The following PLCG2 variants were observed in gnomAD, a reference collection of about 807,000 sequenced individuals.
PLCG2 encodes the protein phospholipase C gamma 2, also known as 1-phosphatidylinositol 4,5-bisphosphate phosphodiesterase gamma-2.
In PLCG2, 69 loss-of-function variants were observed where a neutral mutation model predicts 175.6. The ratio of observed to expected loss-of-function variants is 0.39; its 90% CI spans 0.32 to 0.48. The LOEUF (loss-of-function observed/expected upper bound fraction) is 0.48. Among genes scored for constraint, PLCG2 ranks in the 20% least tolerant of loss-of-function variants. PLCG2 has a pLI of 0.91. For missense variants in PLCG2, 1,798 were observed against 1,650.9 expected, an observed-to-expected ratio of 1.09 and a Z score of -1.54; for synonymous variants, 827 against 624.0, an observed-to-expected ratio of 1.33 and a Z score of -4.85.
intron 25 of PLCG2, among the ~76,000 whole-genome samples, chr16:81,933,576 GTTT>G (rs575035323): frequency 6.9e-6 from 1 of 143,890 alleles, no homozygotes. Context: ...GCTGTTTTTT[GTTT>G]TTTTTTTTTG....
intron 31 of PLCG2, among the ~76,000 whole-genome samples, chr16:81,950,413 A>G (rs1911319950): frequency 6.6e-6 from 1 of 152,354 alleles, no homozygotes; most frequent in Non-Finnish European, 1.5e-5. Flanking sequence ...ACCTAAGTAT[A>G]TAAGACAAAA....
chr16:81,831,969 G>A lies in PLCG2; in HGVS notation c.194-22475G>A, dbSNP rs916681106. Among the ~76,000 whole-genome samples, 5 of 152,294 alleles carry A rather than the reference G, an allele frequency of 3.3e-5. 1 individual carries two copies. The Middle Eastern group carries it at 0.01, about 311-fold the overall frequency. On this transcript the variant is annotated intron_variant, in intron 2 of 32. Transcript: ENST00000564138. ...CAGGGGTGACTCCTCTTGCCCTAGC[G>A]GAAGGGACTGACTTCTGCAGGCTGC...
chr16:81,832,994 C>A (rs1276810778), intron 2 of PLCG2, among the ~76,000 whole-genome samples: 1 of 152,316 alleles, frequency 6.6e-6, no homozygotes, highest in Admixed American at 6.5e-5. Context: ...GGAAACAAGT[C>A]ACGCTTGTGA....
chr16:81,748,565 T>C (rs1272278692), intron 1 of PLCG2, among the ~76,000 whole-genome samples: 1 of 151,964 alleles, frequency 6.6e-6, no homozygotes, highest in Non-Finnish European at 1.5e-5. Flanking sequence ...ACATTAGGGG[T>C]AAACAGGGGA....
At chr16:81,935,626 G>T in intron 26 of PLCG2, 1 of 985,352 alleles carries the variant, frequency 1.0e-6, no homozygotes, top group Non-Finnish European at 1.2e-6. Context: ...GGACTCAGCA[G>T]GCTCAGCATG....
In PLCG2 at chr16:81,923,545, T is replaced by G; in HGVS notation, c.2368T>G (p.Phe790Val). ...YKAKRSDELS[F>V]CRGALIHNVS... is the part of the protein sequence containing the mutation. The stretch of plus-strand genomic sequence containing the variant: ...AGCCAAGCGAAGCGATGAGCTGAGC[T>G]TCTGCCGTGGTGCCCTCATCCACAA... The change falls in exon 22 of 33, where the codon TTC becomes GTC. Residue 790 changes from phenylalanine to valine, a missense_variant. Coordinates refer to ENST00000564138, the MANE Select transcript of PLCG2 (RefSeq NM_002661.5). 2 of 1,613,888 alleles carry G rather than the reference T, an allele frequency of 1.2e-6. No individual in the cohort carries two copies. Among genetic ancestry groups the G allele is most frequent in the Non-Finnish European group, 1.7e-6 (2 of 1,179,856 alleles).
intron 2 of PLCG2, among the ~76,000 whole-genome samples, chr16:81,849,260 C>G (rs1299812049): frequency 2.0e-5 from 3 of 152,110 alleles, no homozygotes; most frequent in Non-Finnish European, 4.4e-5. Context: ...GAAGCTGCCT[C>G]CATAGACAAG....
At position 81,931,506 on chromosome 16, in the gene PLCG2, C is replaced by T; in HGVS notation, c.2591C>T (p.Pro864Leu). The change falls in exon 25 of 33, where the codon CCT becomes CTT. Residue 864 changes from proline (P) to leucine (L), a missense_variant. Transcript: ENST00000564138. ...ATTCTCTTACCCCAAGTGAAAGCCC[C>T]TCAGGGAAAAAACCAGAAGTCCTTT... is the stretch of plus-strand genomic sequence containing the variant. ...DLNTYNVVKA[P>L]QGKNQKSFVF... 6.2e-7 allele frequency: 1 copy of T among 1,614,002 alleles called. No individual in the cohort carries two copies. Among genetic ancestry groups the T allele is most frequent in the Non-Finnish European group, 8.5e-7 (1 of 1,179,944 alleles).
At chr16:81,749,633 C>T (rs188038527) in intron 1 of PLCG2, among the ~76,000 whole-genome samples, 9 of 152,306 alleles carry the variant, frequency 5.9e-5, no homozygotes, top group Admixed American at 2.6e-4. Context: ...GAATGACAGG[C>T]GTGAGCCACT....
intron 2 of PLCG2, among the ~76,000 whole-genome samples, chr16:81,791,590 A>G (rs1426954327): frequency 1.3e-5 from 2 of 152,098 alleles, no homozygotes; most frequent in Non-Finnish European, 2.9e-5. Flanking sequence ...TGTTTTTCAG[A>G]CGGAATCTCT....
chr16:81,758,992 T>A (rs993603884), intron 2 of PLCG2, among the ~76,000 whole-genome samples: 1 of 152,200 alleles, frequency 6.6e-6, no homozygotes, highest in Non-Finnish European at 1.5e-5. Context: ...TCCATCTTTT[T>A]AAATTTAGCC....
chr16:81,928,111 G>T (rs1267128752), intron 23 of PLCG2, among the ~76,000 whole-genome samples: 1 of 152,156 alleles, frequency 6.6e-6, no homozygotes, highest in African/African-American at 2.4e-5. Flanking sequence ...GCTGGAAAGG[G>T]TGATGGGGGC....
chr16:81,869,155 T>A (rs747767769), intron 5 of PLCG2, 59 bp from the exon 6 acceptor site: 74 of 1,315,874 alleles, frequency 5.6e-5, no homozygotes, highest in Non-Finnish European at 7.6e-5. Context: ...TGGGAGCAGC[T>A]AAATCCTGTG....
intron 2 of PLCG2, among the ~76,000 whole-genome samples, chr16:81,823,657 C>G (rs749363947): frequency 3.3e-5 from 5 of 151,592 alleles, no homozygotes; most frequent in Non-Finnish European, 7.4e-5. Context: ...TCTCAAGTAG[C>G]TGAGACTACA....
At chr16:81,896,825 G>A (rs1047932553) in intron 13 of PLCG2, among the ~76,000 whole-genome samples, 2 of 152,146 alleles carry the variant, frequency 1.3e-5, no homozygotes, top group African/African-American at 4.8e-5. Flanking sequence ...AGTGAGTATG[G>A]TCATCCCCAT....
At chr16:81,853,330 C>CA (rs10579049) in intron 2 of PLCG2, among the ~76,000 whole-genome samples, 9,985 of 143,964 alleles carry the variant, frequency 0.069, 377 homozygotes, top group Middle Eastern at 0.099. Flanking sequence ...GATTCTGTCT[C>CA]AAAAAAAAAA....
intron 11 of PLCG2, among the ~76,000 whole-genome samples, 182 bp from the exon 12 acceptor site, chr16:81,893,527 G>C (rs566108217): frequency 3.0e-4 from 46 of 152,338 alleles, no homozygotes; most frequent in Non-Finnish European, 6.0e-4. Context: ...CTCATGCCCA[G>C]TGTGACCGTG....
rs528246214 is a variant in PLCG2 at position 81,831,964 on chromosome 16, C to G, written c.194-22480C>G. 8.5e-5 allele frequency among the ~76,000 whole-genome samples: 13 copies of G among 152,304 alleles called. No individual in the cohort carries two copies. The South Asian group carries it at 1.0e-3, about 12-fold the overall frequency. Reference sequence around the variant, plus strand: ...GGGGGCAGGGGTGACTCCTCTTGCCCTAGCGGAAGGGACTGACTTCTGCAG... The same window carrying G: ...GGGGGCAGGGGTGACTCCTCTTGCCGTAGCGGAAGGGACTGACTTCTGCAG... On this transcript the variant is annotated intron_variant, in intron 2 of 32. Transcript: ENST00000564138.
chr16:81,803,789 C>G (rs1471778412), intron 2 of PLCG2, among the ~76,000 whole-genome samples: 1 of 151,728 alleles, frequency 6.6e-6, no homozygotes, highest in Non-Finnish European at 1.5e-5. Context: ...TCAAGTGATT[C>G]TCGTGCCTCA....
Sources: gnomAD v4.1 joint callset for allele counts (sites outside exome capture counted in the v4.1 genomes callset) on GRCh38, gnomAD v4.1.1 for gene constraint, MANE v1.5 for transcripts, NCBI Gene and HGNC (gene_info 2026-07-23, HGNC 2026-07-21) for gene names.